WARS1: variants seen among roughly 807,000 people sequenced by gnomAD.
WARS1 encodes the protein tryptophanyl-tRNA synthetase 1, also known as tryptophan--tRNA ligase, cytoplasmic.
A neutral mutation model predicts 47.8 loss-of-function variants in WARS1; 17 were observed. The ratio of observed to expected loss-of-function variants is 0.36; its 90% confidence interval spans 0.24 to 0.53. WARS1 has a LOEUF of 0.53. Ranked by LOEUF, WARS1 falls within the 20% of genes least tolerant of loss-of-function variation. WARS1 has a pLI of 0.91. For missense variants in WARS1, 434 were observed against 608.0 expected (o/e 0.71, Z 3.01); for synonymous variants, 208 against 228.1 (o/e 0.91, Z 0.79).
chr14:100,344,211 T>G (rs1041675657), intron 7 of WARS1, among the ~76,000 whole-genome samples: 5 of 152,090 alleles, frequency 3.3e-5, no homozygotes, highest in African/African-American at 1.2e-4. Flanking sequence ...GCCTGCCGAG[T>G]GCCTGCAATT....
chr14:100,342,044 C>T (rs1433735980), intron 9 of WARS1: 7 of 319,736 alleles, frequency 2.2e-5, no homozygotes, highest in Non-Finnish European at 3.7e-5. Flanking sequence ...GAGAAATATA[C>T]ACAAATCTTT....
intron 6 of WARS1, among the ~76,000 whole-genome samples, chr14:100,347,759 T>G (rs1894721538): frequency 1.3e-5 from 2 of 152,108 alleles, no homozygotes; most frequent in African/African-American, 4.8e-5. Context: ...GTATTTTTAG[T>G]AGAGATGGGG....
intron 1 of WARS1, chr14:100,374,016 A>C (rs992275779): frequency 3.3e-5 from 5 of 152,156 alleles, no homozygotes; most frequent in African/African-American, 4.8e-5. Flanking sequence ...GTTGACTTTC[A>C]GAATTGAGTT....
At chr14:100,351,695 TTAA>T (rs1894991329) in intron 6 of WARS1, among the ~76,000 whole-genome samples, 1 of 151,482 alleles carries the variant, frequency 6.6e-6, no homozygotes, top group African/African-American at 2.4e-5. Context: ...AGAAGTAATT[TTAA>T]AAGATCTAAT....
rs185261885 is a variant in WARS1 at position 100,339,387 on chromosome 14, C to T, written c.1114-2185G>A. 3.1e-4 allele frequency among the ~76,000 whole-genome samples: 47 copies of T among 152,078 alleles called. No homozygotes were observed. The East Asian group carries it at 3.9e-3, about 13-fold the overall frequency. ...CGGGCAGATTACGAGGTCAGGAGATCAAGACCATCCTGGCTAACACGGTGA... is the reference window on the plus strand; with the variant it reads ...CGGGCAGATTACGAGGTCAGGAGATTAAGACCATCCTGGCTAACACGGTGA... On this transcript the variant is annotated intron_variant, in intron 9 of 10. Transcript: ENST00000392882.
At chr14:100,339,450 T>C (rs11620717) in intron 9 of WARS1, among the ~76,000 whole-genome samples, 147,097 of 152,118 alleles carry the variant, frequency 0.97, 71,308 homozygotes, top group East Asian at 1. Flanking sequence ...ATTAGCTGGG[T>C]GTGGTGGTGG....
intron 1 of WARS1, among the ~76,000 whole-genome samples, chr14:100,371,208 G>A (rs1419833805): frequency 6.6e-6 from 1 of 152,102 alleles, no homozygotes; most frequent in Non-Finnish European, 1.5e-5. Flanking sequence ...AGCACTTTGG[G>A]AGGCTGAGGT....
chr14:100,337,207 A>C lies in WARS1; in HGVS notation c.1114-5T>G, dbSNP rs762435047. 24 of 1,613,374 alleles carry C rather than the reference A, an allele frequency of 1.5e-5. No homozygotes were observed. In the African/African-American group the frequency reaches 2.9e-4, roughly 20 times the overall value. Reference sequence around the variant, plus strand: ...AGAAAACGCATGCTTATTGACCTGCACCAGAAGAGGACACAGACACGCTCC... The same window carrying C: ...AGAAAACGCATGCTTATTGACCTGCCCCAGAAGAGGACACAGACACGCTCC... On this transcript the variant is annotated splice_polypyrimidine_tract_variant and splice_region_variant and intron_variant, in intron 9 of 10. Transcript: ENST00000392882.
intron 2 of WARS1, chr14:100,365,928 G>A (rs754157155): frequency 3.4e-5 from 15 of 439,256 alleles, no homozygotes; most frequent in Admixed American, 1.9e-4. Flanking sequence ...CCAAAGGTTC[G>A]GGCCTTAGTG....
chr14:100,365,453 G>T, intron 2 of WARS1: 1 of 246,846 alleles, frequency 4.1e-6, no homozygotes, highest in South Asian at 3.5e-5. Context: ...GGTGGCGGGC[G>T]CCTGCAGTCC....
chr14:100,365,130 C>CACACACACACACACACACAA (rs1189124264), intron 2 of WARS1, among the ~76,000 whole-genome samples: 1 of 148,674 alleles, frequency 6.7e-6, no homozygotes, highest in African/African-American at 2.5e-5. Flanking sequence ...AAAATACACA[C>CACACACACACACACACACAA]ACACACACAC....
chr14:100,345,353 T>C (rs1215408554), intron 7 of WARS1, among the ~76,000 whole-genome samples: 1 of 152,246 alleles, frequency 6.6e-6, no homozygotes, highest in Non-Finnish European at 1.5e-5. Flanking sequence ...TGTTGATCTG[T>C]GACCTTACCC....
intron 5 of WARS1, 64 bp downstream of exon 5, chr14:100,354,383 G>A: frequency 3.8e-6 from 6 of 1,574,262 alleles, no homozygotes; most frequent in Non-Finnish European, 5.2e-6. Flanking sequence ...TTCTAAACAT[G>A]GTTTATAAGC....
chr14:100,376,104 G>A (rs1487865341), upstream of WARS1: 1 of 164,378 alleles, frequency 6.1e-6, no homozygotes, highest in Admixed American at 6.4e-5. Flanking sequence ...GTCGGTGGCA[G>A]GCTCCGCGCC....
chr14:100,340,226 A>G (rs1481669732), intron 9 of WARS1: 1 of 152,260 alleles, frequency 6.6e-6, no homozygotes, highest in African/African-American at 2.4e-5. Flanking sequence ...TGATGCAGGA[A>G]CCAGCCTACC....
chr14:100,363,179 T>C (rs576178293), intron 2 of WARS1, among the ~76,000 whole-genome samples: 1 of 152,302 alleles, frequency 6.6e-6, no homozygotes, highest in East Asian at 1.9e-4. Flanking sequence ...CTGCAGTCAA[T>C]ATCACTTAAT....
intron 2 of WARS1, among the ~76,000 whole-genome samples, chr14:100,364,721 C>T (rs968978267): frequency 2.0e-5 from 3 of 152,156 alleles, no homozygotes; most frequent in Non-Finnish European, 2.9e-5. Flanking sequence ...AACATAACTG[C>T]AGTCACTAAG....
intron 9 of WARS1, among the ~76,000 whole-genome samples, 190 bp from the exon 10 acceptor site, chr14:100,337,392 G>C (rs1452457771): frequency 6.6e-6 from 1 of 152,192 alleles, no homozygotes; most frequent in Non-Finnish European, 1.5e-5. Context: ...TTCCTGTGAG[G>C]CTTGGGTGTG....
At chr14:100,357,128 ATGT>A (rs1895370539) in intron 4 of WARS1, among the ~76,000 whole-genome samples, 1 of 152,180 alleles carries the variant, frequency 6.6e-6, no homozygotes, top group Non-Finnish European at 1.5e-5. Context: ...ATAAAAACAC[ATGT>A]TGAAGGGTAT....
Sources: allele counts gnomAD v4.1 joint callset (sites outside exome capture counted in the v4.1 genomes callset), GRCh38; gene constraint gnomAD v4.1.1; transcripts MANE v1.5; gene names NCBI Gene and HGNC (gene_info 2026-07-23, HGNC 2026-07-21).